The following NFAM1 variants were observed in gnomAD, a reference collection of about 807,000 sequenced individuals.
The protein encoded by NFAM1 is NFAT activation molecule 1.
A neutral mutation model predicts 29.0 loss-of-function variants in NFAM1; 17 were observed. That is an observed-to-expected ratio of 0.59 (90% confidence interval 0.40 to 0.88). NFAM1 has a LOEUF of 0.88. Ranked by LOEUF, NFAM1 falls within the 40% of genes least tolerant of loss-of-function variation. The probability of loss-of-function intolerance (pLI) is 0.00; values close to 1 mark genes in which losing one functional copy is unlikely to be tolerated. For missense variants in NFAM1, 324 were observed against 344.6 expected (o/e 0.94, Z 0.47); for synonymous variants, 175 against 147.2 (o/e 1.19, Z -1.36).
chr22:42,424,670 C>G (rs1569236228), intron 1 of NFAM1, among the ~76,000 whole-genome samples: 1 of 151,748 alleles, frequency 6.6e-6, no homozygotes, highest in Non-Finnish European at 1.5e-5. Flanking sequence ...AGAAAGTTCT[C>G]GGGTAAAGCT....
At chr22:42,433,318 C>A (rs1040459378), upstream of NFAM1, among the ~76,000 whole-genome samples, 3 of 152,180 alleles carry the variant, frequency 2.0e-5, no homozygotes, top group African/African-American at 7.2e-5. Context: ...TGAGTTTCAG[C>A]GCATGCTGAG....
chr22:42,388,785 T>C lies in NFAM1; in HGVS notation c.664-1707A>G, dbSNP rs961375374. On this transcript the variant is annotated intron_variant, in intron 4 of 5. Coordinates refer to ENST00000329021, the MANE Select transcript of NFAM1 (RefSeq NM_145912.8). This position sits in a 1 kb window ranked among gnomAD's most constrained non-coding sequence, Gnocchi z 4.1. ...ATGGTGGGGCGGCCCTGAGGACGAG[T>C]TCAAGGGGTCTCTGAGCCAGAAACA... Among the ~76,000 whole-genome samples the C allele has an allele frequency of 6.6e-6, 1 of 151,868 alleles. No individual in the cohort carries two copies. The highest frequency in any genetic ancestry group is 6.6e-5 in the Admixed American group (1 of 15,246).
rs146046038 is a variant in NFAM1, at chr22:42,399,207, G to A, written c.565-1251C>T. On this transcript the variant is annotated intron_variant, in intron 3 of 5. Coordinates refer to ENST00000329021, the MANE Select transcript of NFAM1 (RefSeq NM_145912.8). ...TGTAATCCCAGCACTTTGGGACTCG[G>A]AGGCCGAGTCGGGTGGATCACCTGA... 2.8e-3 allele frequency among the ~76,000 whole-genome samples: 426 copies of A among 152,178 alleles called. 5 individuals are homozygous for A. Among genetic ancestry groups the A allele is most frequent in the African/African-American group, 0.01 (419 of 41,512 alleles).
chr22:42,398,886 C>T (rs56025212), intron 3 of NFAM1, among the ~76,000 whole-genome samples: 5,678 of 152,156 alleles, frequency 0.037, 357 homozygotes, highest in African/African-American at 0.13. Flanking sequence ...AGGTGGGCAC[C>T]GTCCCTACCC....
At chr22:42,420,706 C>T (rs111745487) in intron 1 of NFAM1, among the ~76,000 whole-genome samples, 7,392 of 148,788 alleles carry the variant, frequency 0.05, 302 homozygotes, top group African/African-American at 0.097. Context: ...GCAGAGGTTG[C>T]AGTGAGCCGA....
At chr22:42,433,499 C>A (rs1311998580), upstream of NFAM1, among the ~76,000 whole-genome samples, 2 of 152,198 alleles carry the variant, frequency 1.3e-5, no homozygotes, top group Non-Finnish European at 2.9e-5. Context: ...TCCGAGCCTT[C>A]TCCCACCCTG....
chr22:42,409,405 G>T lies in NFAM1; in HGVS notation c.564+30C>A. 1 of 1,223,534 alleles carries T rather than the reference G, an allele frequency of 8.2e-7. No individual in the cohort carries two copies. Among genetic ancestry groups the T allele is most frequent in the Non-Finnish European group, 1.1e-6 (1 of 891,870 alleles). 75.8% of individuals were successfully genotyped at this position (1,223,534 alleles called of 1,614,324 possible). ...AGCCGGTGGCGTGTCGGGTGGAGGG[G>T]CTGCATGGCTGTGAGCACTGATCCC... is the stretch of plus-strand genomic sequence containing the variant. On this transcript the variant is annotated intron_variant, in intron 3 of 5. Coordinates refer to ENST00000329021, the MANE Select transcript of NFAM1 (RefSeq NM_145912.8). This position sits in a 1 kb window ranked among gnomAD's most constrained non-coding sequence, Gnocchi z 4.9.
In NFAM1 at chr22:42,428,702, AGAAC is replaced by A. The variant is rs1249367673; in HGVS notation, c.121+3531_121+3534del. On this transcript the variant is annotated intron_variant, in intron 1 of 5. Coordinates refer to ENST00000329021, the MANE Select transcript of NFAM1 (RefSeq NM_145912.8). ...TCACGTCTGGGTCCCTCTGGTGCCT[AGAAC>A]CGGTCCTTTTCAATGGATATGTGAG... is the stretch of plus-strand genomic sequence containing the variant. 8.0e-4 allele frequency among the ~76,000 whole-genome samples: 122 copies of A among 152,332 alleles called. 3 individuals carry two copies. In the East Asian group the frequency reaches 0.022, roughly 28 times the overall value.
upstream of NFAM1, among the ~76,000 whole-genome samples, chr22:42,434,424 G>A (rs1321509100): frequency 3.3e-5 from 5 of 152,286 alleles, no homozygotes; most frequent in South Asian, 6.2e-4. Context: ...GCTGTGGAGC[G>A]CAGACATGAC....
intron 4 of NFAM1, among the ~76,000 whole-genome samples, chr22:42,389,992 A>T (rs1256538250): frequency 6.6e-6 from 1 of 152,112 alleles, no homozygotes; most frequent in Non-Finnish European, 1.5e-5. Context: ...AGGCAGTGGA[A>T]ATGGGGAGCC....
At position 42,383,755 on chromosome 22, in the gene NFAM1, C is replaced by CT. The variant is rs1159062321; in HGVS notation, c.*1405dup. The CT allele has an allele frequency of 1.3e-5, 2 of 152,764 alleles. No homozygotes were observed. The highest frequency in any genetic ancestry group is 2.4e-5 in the African/African-American group (1 of 41,464). 9.5% of individuals were successfully genotyped at this position (152,764 alleles called of 1,614,324 possible). A position where few individuals can be genotyped will look rare whatever the true frequency, so the allele number is the denominator to read the frequency against. On this transcript the variant is annotated 3_prime_UTR_variant, in exon 6 of 6. Transcript: ENST00000329021. ...GGGCCTGTGCCTTGGGTTCCCCCCCCTCCCTGGGCACATTTGGGGTTGGGG... is the reference window on the plus strand; with the variant it reads ...GGGCCTGTGCCTTGGGTTCCCCCCCCTTCCCTGGGCACATTTGGGGTTGGGG...
rs564370513 is a variant in NFAM1 at position 42,394,580 on chromosome 22, T to A, written c.663+3278A>T. ...TGAAAGATAATGAAAACATGACATA[T>A]CAAAACTTGTGGGATGCAGCTAAAG... On this transcript the variant is annotated intron_variant, in intron 4 of 5. Transcript: ENST00000329021. Among the ~76,000 whole-genome samples, 13 of 152,210 alleles carry A rather than the reference T, an allele frequency of 8.5e-5. No homozygotes were observed. The East Asian group carries it at 2.3e-3, about 27-fold the overall frequency.
At chr22:42,410,388 G>T in intron 2 of NFAM1, 1 of 365,140 alleles carries the variant, frequency 2.7e-6, no homozygotes, top group Non-Finnish European at 5.5e-6. Context: ...GGCTGGGTGT[G>T]CTGGCTCATG....
chr22:42,385,840 G>A (rs950604807), intron 5 of NFAM1, among the ~76,000 whole-genome samples: 1 of 152,114 alleles, frequency 6.6e-6, no homozygotes, highest in Non-Finnish European at 1.5e-5. Flanking sequence ...GAGAACAGGC[G>A]ATTTAACAAA....
At position 42,402,860 on chromosome 22, in the gene NFAM1, G is replaced by A. The variant is rs558500005; in HGVS notation, c.565-4904C>T. Among the ~76,000 whole-genome samples, 43 of 117,254 alleles carry A rather than the reference G, an allele frequency of 3.7e-4. 1 individual carries two copies. The South Asian group carries it at 0.011, about 30-fold the overall frequency. The allele number at this position is 117,254 out of a possible 152,430, so 76.9% of individuals were successfully genotyped here. On this transcript the variant is annotated intron_variant, in intron 3 of 5. Transcript: ENST00000329021. Reference sequence around the variant, plus strand: ...TTTTTTTTTTTTTTTTTTTGAGATGGAGTTTTGCTCTGTCACCCAGGCTGG... The same window carrying A: ...TTTTTTTTTTTTTTTTTTTGAGATGAAGTTTTGCTCTGTCACCCAGGCTGG...
chr22:42,415,858 T>C (rs1024618887), intron 1 of NFAM1, among the ~76,000 whole-genome samples: 12 of 152,158 alleles, frequency 7.9e-5, no homozygotes, highest in Non-Finnish European at 1.5e-5. Flanking sequence ...ATTGAAGGGG[T>C]ACCAGTTAGG....
At chr22:42,390,816 CAAAAAAAAA>C (rs11343542) in intron 4 of NFAM1, among the ~76,000 whole-genome samples, 1 of 107,610 alleles carries the variant, frequency 9.3e-6, no homozygotes, top group African/African-American at 3.4e-5. Context: ...GACTCCGTCT[CAAAAAAAAA>C]AAAAAAAAAA....
chr22:42,408,947 T>A (rs1321362451), intron 3 of NFAM1, among the ~76,000 whole-genome samples: 4 of 152,112 alleles, frequency 2.6e-5, no homozygotes, highest in Non-Finnish European at 5.9e-5. Context: ...AACCTCGTCA[T>A]GGAGCTATGC....
At chr22:42,408,432 T>C (rs1385136369) in intron 3 of NFAM1, among the ~76,000 whole-genome samples, 1 of 152,086 alleles carries the variant, frequency 6.6e-6, no homozygotes, top group African/African-American at 2.4e-5. Flanking sequence ...CCCAGGGCTG[T>C]TGCTGACTCA....
Sources: gnomAD v4.1 joint callset for allele counts (sites outside exome capture counted in the v4.1 genomes callset) on GRCh38, gnomAD v4.1.1 for gene constraint, Gnocchi (gnomAD v3.1) non-coding constraint, MANE v1.5 for transcripts, NCBI Gene and HGNC (gene_info 2026-07-23, HGNC 2026-07-21) for gene names.